Variants in PPP3CB observed in about 807,000 individuals in gnomAD.
PPP3CB encodes the protein serine/threonine-protein phosphatase 2B catalytic subunit beta isoform.
In PPP3CB, 8 loss-of-function variants were observed where a neutral mutation model predicts 66.4. The observed-to-expected ratio is 0.12, with a 90% CI of 0.07 to 0.22. The LOEUF is 0.22. Among genes scored for constraint, PPP3CB ranks in the 10% least tolerant of loss-of-function variants. PPP3CB has a pLI of 1.00. For missense variants in PPP3CB, 319 were observed against 642.5 expected, an observed-to-expected ratio of 0.50 and a Z score of 5.44; for synonymous variants, 208 against 221.2, an observed-to-expected ratio of 0.94 and a Z score of 0.53.
At chr10:73,463,606 C>T (rs2056567022) in intron 9 of PPP3CB, among the ~76,000 whole-genome samples, 1 of 152,168 alleles carries the variant, frequency 6.6e-6, no homozygotes, top group South Asian at 2.1e-4. Flanking sequence ...TTCTTCAAGC[C>T]CCTGTTCAAA....
intron 10 of PPP3CB, among the ~76,000 whole-genome samples, chr10:73,451,164 AT>A (rs2056338686): frequency 6.6e-6 from 1 of 152,020 alleles, no homozygotes; most frequent in Non-Finnish European, 1.5e-5. Flanking sequence ...CATCATGCCT[AT>A]TTAACATACT....
At chr10:73,443,898 T>G (rs1220091001) in intron 12 of PPP3CB, 1 of 152,256 alleles carries the variant, frequency 6.6e-6, no homozygotes, top group Non-Finnish European at 1.5e-5. Context: ...AACAATGACT[T>G]AATATCTAAT....
In PPP3CB at chr10:73,436,844, C is replaced by T. The variant is rs1763214585; in HGVS notation, c.*1398G>A. ...CATGCATGGAATTTATTGTGTGCTACTGTTTATAAAATACTCGAATAGTCC... is the reference window on the plus strand; with the variant it reads ...CATGCATGGAATTTATTGTGTGCTATTGTTTATAAAATACTCGAATAGTCC... On this transcript the variant is annotated 3_prime_UTR_variant, in exon 14 of 14. Coordinates refer to ENST00000360663, the MANE Select transcript of PPP3CB (RefSeq NM_021132.4). 1 of 152,228 alleles carries T rather than the reference C, an allele frequency of 6.6e-6. No individual in the cohort carries two copies. The highest frequency in any genetic ancestry group is 1.5e-5 in the Non-Finnish European group (1 of 68,036). The allele number at this position is 152,228 out of a possible 1,614,324, so 9.4% of individuals were successfully genotyped here.
At chr10:73,482,127 A>C (rs569366900) in intron 1 of PPP3CB, among the ~76,000 whole-genome samples, 1 of 152,206 alleles carries the variant, frequency 6.6e-6, no homozygotes, top group Non-Finnish European at 1.5e-5. Flanking sequence ...AAAAATGAGA[A>C]GGTTAAATAT....
At chr10:73,489,749 G>T (rs2057042438) in intron 1 of PPP3CB, among the ~76,000 whole-genome samples, 1 of 152,164 alleles carries the variant, frequency 6.6e-6, no homozygotes, top group Admixed American at 6.5e-5. Context: ...TAATACAAAA[G>T]ATCTTTTCTA....
Position 73,448,394 on chromosome 10 carries a change from G to T in PPP3CB, c.1187-1821C>A, listed in dbSNP as rs1211428738. ...AACAACCCTAATCATGCAGGGAAAA[G>T]TACAAAACATTACAAATAAGCAAAA... is the stretch of plus-strand genomic sequence containing the variant. On this transcript the variant is annotated intron_variant, in intron 10 of 13. Coordinates refer to ENST00000360663, the MANE Select transcript of PPP3CB (RefSeq NM_021132.4). Among the ~76,000 whole-genome samples, 5 of 151,998 alleles carry T rather than the reference G, an allele frequency of 3.3e-5. 1 individual carries two copies. The highest frequency in any genetic ancestry group is 7.4e-5 in the Non-Finnish European group (5 of 67,960).
intron 12 of PPP3CB, among the ~76,000 whole-genome samples, chr10:73,443,292 G>GAAAGAAAGAAAGAA (rs1554821602): frequency 8.6e-6 from 1 of 116,116 alleles, no homozygotes; most frequent in Non-Finnish European, 1.7e-5. Context: ...AAGACAGAAA[G>GAAAGAAAGAAAGAA]AAAGAAAGAA....
chr10:73,483,179 T>A (rs149754594), intron 1 of PPP3CB, among the ~76,000 whole-genome samples: 5 of 152,294 alleles, frequency 3.3e-5, no homozygotes, highest in Non-Finnish European at 7.4e-5. Flanking sequence ...GACCTGTACT[T>A]TCCTACTTAT....
intron 9 of PPP3CB, among the ~76,000 whole-genome samples, chr10:73,455,941 T>C (rs2056420527): frequency 6.6e-6 from 1 of 152,244 alleles, no homozygotes; most frequent in Non-Finnish European, 1.5e-5. Context: ...GAGTGTAGGA[T>C]GTTGTTTAAT....
intron 10 of PPP3CB, chr10:73,448,677 A>G (rs2056298517): frequency 9.4e-6 from 5 of 533,278 alleles, no homozygotes; most frequent in Non-Finnish European, 1.9e-5. Flanking sequence ...TTTTATTGCC[A>G]TATATGAGCC....
At chr10:73,445,074 G>A (rs1244541045) in intron 11 of PPP3CB, among the ~76,000 whole-genome samples, 2 of 151,992 alleles carry the variant, frequency 1.3e-5, no homozygotes, top group Non-Finnish European at 2.9e-5. Context: ...TTCATCAAGG[G>A]GCATCATACT....
chr10:73,495,572 A>C, intron 1 of PPP3CB: 2 of 412,228 alleles, frequency 4.9e-6, no homozygotes, highest in Non-Finnish European at 8.1e-6. Context: ...TGGGCTAGGA[A>C]GCCACGGAAG....
chr10:73,440,017 T>TC, intron 12 of PPP3CB, 116 bp from the exon 13 acceptor site: 1 of 1,079,406 alleles, frequency 9.3e-7, no homozygotes, highest in Non-Finnish European at 1.4e-6. Flanking sequence ...TACTACATCA[T>TC]CATTTAAAAT....
intron 1 of PPP3CB, among the ~76,000 whole-genome samples, chr10:73,485,950 G>GTGTGTGTGTATA (rs58404946): frequency 5.6e-5 from 7 of 124,638 alleles, no homozygotes; most frequent in South Asian, 2.9e-4. Context: ...GTGTGTGTGT[G>GTGTGTGTGTATA]TATTTTTTTT....
intron 11 of PPP3CB, among the ~76,000 whole-genome samples, chr10:73,445,198 T>G (rs1190160219): frequency 6.6e-6 from 1 of 152,194 alleles, no homozygotes; most frequent in African/African-American, 2.4e-5. Context: ...AACCTGGTCT[T>G]CCTGAATTAA....
rs2056081714 is a variant in PPP3CB, at chr10:73,437,030, G to C, written c.*1212C>G. The C allele has an allele frequency of 6.6e-6, 1 of 152,650 alleles. No individual in the cohort carries two copies. The highest frequency in any genetic ancestry group is 2.1e-4 in the South Asian group (1 of 4,834). The allele number at this position is 152,650 out of a possible 1,614,324, so 9.5% of individuals were successfully genotyped here. A position where few individuals can be genotyped will look rare whatever the true frequency, so the allele number is the denominator to read the frequency against. On this transcript the variant is annotated 3_prime_UTR_variant, in exon 14 of 14. Transcript: ENST00000360663. The stretch of plus-strand genomic sequence containing the variant: ...TAAAGGGAAATACCAAACTACAGTG[G>C]CAATCAATACAGGTCAATAATTGTG...
At chr10:73,456,366 C>T (rs765327779) in intron 9 of PPP3CB, among the ~76,000 whole-genome samples, 1 of 152,112 alleles carries the variant, frequency 6.6e-6, no homozygotes, top group Non-Finnish European at 1.5e-5. Context: ...TGGGGAAGAC[C>T]TGCTGGGGAA....
intron 13 of PPP3CB, among the ~76,000 whole-genome samples, chr10:73,438,741 CT>C (rs2056103327): frequency 6.6e-6 from 1 of 152,186 alleles, no homozygotes; most frequent in Admixed American, 6.5e-5. Context: ...AGTCTGACTT[CT>C]ACTATACCAA....
At chr10:73,470,656 T>G (rs767085537) in intron 8 of PPP3CB, 31 bp downstream of exon 8, 3 of 1,377,588 alleles carry the variant, frequency 2.2e-6, no homozygotes, top group Non-Finnish European at 3.0e-6. Context: ...ACTAAGTTGT[T>G]TAACAATTTT....
Sources: gnomAD v4.1 joint callset for allele counts (sites outside exome capture counted in the v4.1 genomes callset) on GRCh38, gnomAD v4.1.1 for gene constraint, MANE v1.5 for transcripts, NCBI Gene and HGNC (gene_info 2026-07-23, HGNC 2026-07-21) for gene names.